The following HSD17B12 variants were observed in gnomAD, a reference collection of about 807,000 sequenced individuals.
HSD17B12 encodes very-long-chain 3-oxoacyl-CoA reductase.
HSD17B12 carries 32 observed loss-of-function variants against 39.3 expected under a neutral mutation model. That is an observed-to-expected ratio of 0.81 (90% CI 0.61 to 1.09). HSD17B12 has a LOEUF of 1.09. Among genes scored for constraint, HSD17B12 ranks in the 50% least tolerant of loss-of-function variants. The pLI, the probability that HSD17B12 is intolerant of heterozygous loss-of-function variation, is 0.00. For missense variants in HSD17B12, 342 were observed against 382.9 expected (o/e 0.89, Z 0.89); for synonymous variants, 150 against 146.7 (o/e 1.02, Z -0.16).
intron 1 of HSD17B12, among the ~76,000 whole-genome samples, chr11:43,717,873 T>C (rs1303672780): frequency 6.6e-6 from 1 of 151,524 alleles, no homozygotes; most frequent in East Asian, 1.9e-4. Flanking sequence ...GGCACCATCT[T>C]GGCTCATTGC....
At chr11:43,721,924 T>C (rs1950180015) in intron 1 of HSD17B12, among the ~76,000 whole-genome samples, 1 of 152,124 alleles carries the variant, frequency 6.6e-6, no homozygotes, top group Non-Finnish European at 1.5e-5. Context: ...AGGGTGGAAG[T>C]AGGATGTTGT....
chr11:43,788,466 T>C (rs1950836190), intron 3 of HSD17B12, among the ~76,000 whole-genome samples: 1 of 152,158 alleles, frequency 6.6e-6, no homozygotes, highest in Non-Finnish European at 1.5e-5. Flanking sequence ...TGTCTCTTCA[T>C]AGAGCTGTTT....
intron 6 of HSD17B12, among the ~76,000 whole-genome samples, chr11:43,825,825 G>A (rs548178025): frequency 9.2e-5 from 14 of 152,330 alleles, no homozygotes; most frequent in African/African-American, 3.4e-4. Context: ...TTCCAAAAAT[G>A]AGAGAGTAGT....
chr11:43,611,609 C>T, the HSD17B12 span, among the ~76,000 whole-genome samples: 1 of 152,196 alleles, frequency 6.6e-6, no homozygotes, highest in Non-Finnish European at 1.5e-5. Flanking sequence ...CTGATTCTAG[C>T]TTAGCAAGTA....
intron 3 of HSD17B12, among the ~76,000 whole-genome samples, chr11:43,760,007 T>C (rs983471777): frequency 6.6e-6 from 1 of 152,046 alleles, no homozygotes; most frequent in African/African-American, 2.4e-5. Flanking sequence ...GCAATTCTTG[T>C]GCCTCAGCCT....
intron 1 of HSD17B12, among the ~76,000 whole-genome samples, chr11:43,718,073 G>A (rs1364949407): frequency 6.6e-6 from 1 of 152,126 alleles, no homozygotes. Flanking sequence ...CCGAAGTGTT[G>A]GGATTACAGG....
the HSD17B12 span, among the ~76,000 whole-genome samples, chr11:43,568,951 GTC>G: frequency 6.6e-6 from 1 of 152,172 alleles, no homozygotes; most frequent in South Asian, 2.1e-4. Flanking sequence ...ATTACTGTTG[GTC>G]TCTCACCAGT....
At chr11:43,814,407 T>C (rs2135076887) in intron 4 of HSD17B12, among the ~76,000 whole-genome samples, 1 of 152,142 alleles carries the variant, frequency 6.6e-6, no homozygotes, top group African/African-American at 2.4e-5. Context: ...GATAGATAGA[T>C]CATCTATCTC....
chr11:43,833,342 T>G (rs1032706496), intron 7 of HSD17B12: 1 of 152,116 alleles, frequency 6.6e-6, no homozygotes, highest in African/African-American at 2.4e-5. Flanking sequence ...TTCCCTCCCC[T>G]CTCTACCCGT....
the HSD17B12 span, among the ~76,000 whole-genome samples, chr11:43,620,602 C>T: frequency 1.3e-5 from 2 of 152,242 alleles, no homozygotes; most frequent in East Asian, 1.9e-4. Context: ...GCCTATAAAC[C>T]GGAGCTTACT....
the HSD17B12 span, among the ~76,000 whole-genome samples, chr11:43,566,763 C>T: frequency 1.3e-5 from 2 of 152,348 alleles, no homozygotes; most frequent in South Asian, 2.1e-4. Context: ...CTCCTGACCT[C>T]ATGATCCACC....
At chr11:43,798,282 T>G (rs1460078205) in intron 3 of HSD17B12, 38 bp from the exon 4 acceptor site, 2 of 1,236,108 alleles carry the variant, frequency 1.6e-6, no homozygotes, top group Non-Finnish European at 2.4e-6. Context: ...GTACTAATTT[T>G]CCCTGTCTCT....
At chr11:43,648,929 G>A in the HSD17B12 span, among the ~76,000 whole-genome samples, 7 of 152,052 alleles carry the variant, frequency 4.6e-5, no homozygotes, top group Admixed American at 3.3e-4. Flanking sequence ...ACGGGGTTTC[G>A]CTATGTTGGC....
chr11:43,780,950 G>T (rs1339360164), intron 3 of HSD17B12, among the ~76,000 whole-genome samples: 3 of 151,958 alleles, frequency 2.0e-5, no homozygotes, highest in Non-Finnish European at 4.4e-5. Flanking sequence ...CATATCTTTG[G>T]CATGAGAAGG....
the HSD17B12 span, among the ~76,000 whole-genome samples, chr11:43,629,585 C>A: frequency 6.6e-6 from 1 of 152,192 alleles, no homozygotes; most frequent in Admixed American, 6.5e-5. Flanking sequence ...GTTTATTGAG[C>A]TTGTCTGGTG....
intron 9 of HSD17B12, among the ~76,000 whole-genome samples, chr11:43,848,950 C>T (rs1311049138): frequency 3.9e-5 from 6 of 152,182 alleles, no homozygotes; most frequent in African/African-American, 1.4e-4. Flanking sequence ...GGCCTTCCTA[C>T]ACCCATCGTG....
At position 43,681,006 on chromosome 11, in the gene HSD17B12, C is replaced by A. The variant is rs560559765; in HGVS notation, c.160+19C>A. 1.9e-6 allele frequency: 3 copies of A among 1,569,480 alleles called. No individual in the cohort carries two copies. The highest frequency in any genetic ancestry group is 3.7e-5 in the Admixed American group (2 of 54,644). On this transcript the variant is annotated intron_variant, in intron 1 of 10. Coordinates refer to ENST00000278353, the MANE Select transcript of HSD17B12 (RefSeq NM_016142.3). Reference sequence around the variant, plus strand: ...TGGGCAGGTGAGTCGGATGCAGCGCCGCGTCCTCGCTCCCGCGGCGGCCCG... The same window carrying A: ...TGGGCAGGTGAGTCGGATGCAGCGCAGCGTCCTCGCTCCCGCGGCGGCCCG...
chr11:43,736,076 T>G (rs1392534208), intron 1 of HSD17B12, among the ~76,000 whole-genome samples: 2 of 152,330 alleles, frequency 1.3e-5, no homozygotes, highest in East Asian at 3.9e-4. Context: ...AGCCTTTTAA[T>G]TCTTATACAT....
chr11:43,626,192 C>T, the HSD17B12 span, among the ~76,000 whole-genome samples: 1 of 151,310 alleles, frequency 6.6e-6, no homozygotes, highest in Admixed American at 6.6e-5. Context: ...GATAGAAATT[C>T]TATTTTAAAA....
Sources: allele counts gnomAD v4.1 joint callset (sites outside exome capture counted in the v4.1 genomes callset), GRCh38; gene constraint gnomAD v4.1.1; transcripts MANE v1.5; gene names NCBI Gene and HGNC (gene_info 2026-07-23, HGNC 2026-07-21).